Variants in PCDH9 observed in about 807,000 individuals in gnomAD.
PCDH9 encodes the protein protocadherin 9, also known as protocadherin-9.
In PCDH9, 24 loss-of-function variants were observed where a neutral mutation model predicts 70.6. The ratio of observed to expected loss-of-function variants is 0.34; its 90% CI spans 0.25 to 0.48. The LOEUF is 0.48. PCDH9 is among the 20% of genes least tolerant of loss of function. The pLI is 0.99. For missense variants in PCDH9, 1,281 were observed against 1,503.6 expected (o/e 0.85, Z 2.45); for synonymous variants, 562 against 558.5 (o/e 1.01, Z -0.09).
intron 4 of PCDH9, among the ~76,000 whole-genome samples, chr13:66,384,688 G>A (rs956486219): frequency 1.1e-4 from 17 of 151,986 alleles, no homozygotes; most frequent in Non-Finnish European, 1.5e-5. Flanking sequence ...TATTTGAGGT[G>A]GAGTTTCACT....
intron 4 of PCDH9, among the ~76,000 whole-genome samples, chr13:66,552,478 T>C (rs553139764): frequency 6.6e-6 from 1 of 152,236 alleles, no homozygotes; most frequent in South Asian, 2.1e-4. Context: ...TCTCAGGTTA[T>C]GTGAACATAA....
intron 3 of PCDH9, among the ~76,000 whole-genome samples, chr13:66,692,769 G>A (rs772806993): frequency 1.3e-5 from 2 of 151,746 alleles, no homozygotes; most frequent in Non-Finnish European, 2.9e-5. Flanking sequence ...CTATTATTTA[G>A]AGACGAACTA....
intron 3 of PCDH9, among the ~76,000 whole-genome samples, chr13:66,801,294 G>A (rs1488177472): frequency 2.6e-5 from 4 of 152,090 alleles, no homozygotes. Flanking sequence ...CGTGTAAAAT[G>A]TAAGTAGTGA....
intron 2 of PCDH9, among the ~76,000 whole-genome samples, chr13:67,191,291 A>T (rs969569337): frequency 1.3e-5 from 2 of 152,158 alleles, no homozygotes; most frequent in African/African-American, 4.8e-5. Flanking sequence ...GAGAATGTAC[A>T]TTCCTCGAAA....
intron 2 of PCDH9, among the ~76,000 whole-genome samples, chr13:67,111,165 G>A (rs1487543585): frequency 6.6e-6 from 1 of 152,090 alleles, no homozygotes; most frequent in African/African-American, 2.4e-5. Flanking sequence ...GCATATATAT[G>A]TTTATTTATA....
At chr13:67,206,218 T>G (rs1593618491) in intron 2 of PCDH9, 1 of 152,282 alleles carries the variant, frequency 6.6e-6, no homozygotes, top group Admixed American at 6.6e-5. Flanking sequence ...CAGGCTGGAG[T>G]GCAGTGGCAT....
Position 66,475,845 on chromosome 13 carries a change from A to G in PCDH9, c.3340+155365T>C, listed in dbSNP as rs541336231. ...ATTGCCACAAAGCATTCACGACCAC[A>G]TTGCCTTTCACCATATCTCTTCTAC... On this transcript the variant is annotated intron_variant, in intron 4 of 4. Coordinates refer to ENST00000377865, the MANE Select transcript of PCDH9 (RefSeq NM_203487.3). 4.9e-4 allele frequency among the ~76,000 whole-genome samples: 74 copies of G among 152,150 alleles called. No individual in the cohort carries two copies. In the South Asian group the frequency reaches 0.015, roughly 31 times the overall value.
At position 66,621,566 on chromosome 13, in the gene PCDH9, G is replaced by A. The variant is rs1298438106; in HGVS notation, c.3340+9644C>T. 2.0e-5 allele frequency among the ~76,000 whole-genome samples: 3 copies of A among 152,192 alleles called. No individual in the cohort carries two copies. In the East Asian group the frequency reaches 5.8e-4, roughly 29 times the overall value. On this transcript the variant is annotated intron_variant, in intron 4 of 4. Transcript: ENST00000377865. Reference sequence around the variant, plus strand: ...GGAGTCGGCGTATATGAGTTTTATTGTAGACTCATAAACTATGTGGCTTCA... The same window carrying A: ...GGAGTCGGCGTATATGAGTTTTATTATAGACTCATAAACTATGTGGCTTCA...
intron 2 of PCDH9, among the ~76,000 whole-genome samples, chr13:66,978,744 T>C (rs1245042844): frequency 6.7e-6 from 1 of 149,714 alleles, no homozygotes; most frequent in Non-Finnish European, 1.5e-5. Flanking sequence ...AATATACATA[T>C]GTAACTGTAT....
At chr13:66,306,930 T>C (rs2138055021) in intron 4 of PCDH9, among the ~76,000 whole-genome samples, 1 of 152,162 alleles carries the variant, frequency 6.6e-6, no homozygotes, top group Middle Eastern at 3.4e-3. Context: ...AGCTAACACA[T>C]TTTGCTTAAA....
intron 3 of PCDH9, among the ~76,000 whole-genome samples, chr13:66,661,424 G>C (rs1417854010): frequency 6.6e-6 from 1 of 152,128 alleles, no homozygotes; most frequent in Non-Finnish European, 1.5e-5. Context: ...AACTCTGACT[G>C]GCGTTACCAA....
chr13:66,870,562 C>G (rs1380488029), intron 3 of PCDH9, among the ~76,000 whole-genome samples: 1 of 152,042 alleles, frequency 6.6e-6, no homozygotes, highest in African/African-American at 2.4e-5. Flanking sequence ...ACAACCCCAT[C>G]AAAAAGTGGG....
At chr13:66,858,826 C>G (rs902287127) in intron 3 of PCDH9, among the ~76,000 whole-genome samples, 1 of 152,134 alleles carries the variant, frequency 6.6e-6, no homozygotes, top group African/African-American at 2.4e-5. Context: ...CAACTCCTCA[C>G]ACTTCTATTG....
chr13:67,050,882 T>C (rs1294681982), intron 2 of PCDH9, among the ~76,000 whole-genome samples: 2 of 151,988 alleles, frequency 1.3e-5, no homozygotes, highest in East Asian at 3.8e-4. Flanking sequence ...ACAACATGTA[T>C]TGATTCAATA....
At chr13:66,638,023 C>T (rs2077661983) in intron 3 of PCDH9, among the ~76,000 whole-genome samples, 2 of 151,988 alleles carry the variant, frequency 1.3e-5, no homozygotes, top group Admixed American at 6.6e-5. Flanking sequence ...GAGAACCAAA[C>T]TAAAAACCAC....
intron 4 of PCDH9, among the ~76,000 whole-genome samples, chr13:66,537,788 A>G (rs1056915268): frequency 6.6e-6 from 1 of 152,096 alleles, no homozygotes; most frequent in African/African-American, 2.4e-5. Context: ...CAGTCACTAA[A>G]TAGGAAGTGT....
chr13:66,949,585 A>G (rs1347546884), intron 2 of PCDH9, among the ~76,000 whole-genome samples: 1 of 152,066 alleles, frequency 6.6e-6, no homozygotes, highest in African/African-American at 2.4e-5. Flanking sequence ...CTGTACCTTT[A>G]GAATTCGTTC....
At chr13:66,991,625 A>T (rs2084004844) in intron 2 of PCDH9, among the ~76,000 whole-genome samples, 1 of 152,136 alleles carries the variant, frequency 6.6e-6, no homozygotes, top group Non-Finnish European at 1.5e-5. Context: ...AATTCCATTA[A>T]CATTTTCACC....
chr13:66,945,201 T>TG (rs2083069387), intron 2 of PCDH9, among the ~76,000 whole-genome samples: 1 of 142,214 alleles, frequency 7.0e-6, no homozygotes, highest in African/African-American at 2.6e-5. Flanking sequence ...CTTACCTGCC[T>TG]AAAAAGGCAA....
Sources: gnomAD v4.1 joint callset for allele counts (sites outside exome capture counted in the v4.1 genomes callset) on GRCh38, gnomAD v4.1.1 for gene constraint, MANE v1.5 for transcripts, NCBI Gene and HGNC (gene_info 2026-07-23, HGNC 2026-07-21) for gene names.